The following ETV6 variants were observed in gnomAD, a reference collection of about 807,000 sequenced individuals.
The protein encoded by ETV6 is transcription factor ETV6.
In ETV6, 16 loss-of-function variants were observed where a neutral mutation model predicts 51.1. The observed-to-expected ratio is 0.31, with a 90% CI of 0.21 to 0.48. The LOEUF (loss-of-function observed/expected upper bound fraction) is 0.48, where lower values mean the gene tolerates loss of function less well. Among genes scored for constraint, ETV6 ranks in the 20% least tolerant of loss-of-function variants. The pLI is 0.99. For synonymous variants in ETV6, 240 were observed against 224.1 expected, an observed-to-expected ratio of 1.07 and a Z score of -0.64; for missense variants, 458 against 594.8, an observed-to-expected ratio of 0.77 and a Z score of 2.39.
At chr12:11,841,195 A>T (rs1169851753) in intron 3 of ETV6, among the ~76,000 whole-genome samples, 1 of 152,210 alleles carries the variant, frequency 6.6e-6, no homozygotes, top group African/African-American at 2.4e-5. Context: ...CTCTCTGCTC[A>T]GAGCTATGAA....
chr12:11,664,659 C>T (rs573296218), intron 1 of ETV6, among the ~76,000 whole-genome samples: 1 of 152,258 alleles, frequency 6.6e-6, no homozygotes, highest in East Asian at 1.9e-4. Context: ...ACAGACTCTT[C>T]CCCTTGTTGC....
intron 2 of ETV6, among the ~76,000 whole-genome samples, chr12:11,774,580 C>T (rs896447563): frequency 2.6e-5 from 4 of 152,208 alleles, no homozygotes; most frequent in Admixed American, 2.6e-4. Context: ...ACCTTTCCCT[C>T]CTCCCAAGAG....
At chr12:11,749,286 CATA>C (rs1162835989) in intron 1 of ETV6, among the ~76,000 whole-genome samples, 3 of 64,236 alleles carry the variant, frequency 4.7e-5, no homozygotes, top group African/African-American at 2.0e-4. Context: ...TTATCCCCCC[CATA>C]CACACACACA....
intron 1 of ETV6, among the ~76,000 whole-genome samples, chr12:11,691,192 C>G (rs1864754410): frequency 6.6e-6 from 1 of 152,092 alleles, no homozygotes. Context: ...GGGCTCTACC[C>G]TCATGACTTA....
rs2040368007 is a variant in ETV6 at position 11,891,879 on chromosome 12, G to A, written c.*833G>A. On this transcript the variant is annotated 3_prime_UTR_variant, in exon 8 of 8. Coordinates refer to ENST00000396373, the MANE Select transcript of ETV6 (RefSeq NM_001987.5). ...GAGGGAGGCCAAAATCATCACAGAT[G>A]CTGCTGTGCTGCAGACAGATACATG... is the stretch of plus-strand genomic sequence containing the variant. The A allele has an allele frequency of 3.3e-6, 1 of 302,094 alleles. No homozygotes were observed. The highest frequency in any genetic ancestry group is 2.1e-5 in the African/African-American group (1 of 47,652). 18.7% of individuals were successfully genotyped at this position (302,094 alleles called of 1,614,324 possible). A position where few individuals can be genotyped will look rare whatever the true frequency, so the allele number is the denominator to read the frequency against.
intron 2 of ETV6, among the ~76,000 whole-genome samples, chr12:11,759,768 A>T (rs796187694): frequency 1.2e-4 from 8 of 65,630 alleles, no homozygotes; most frequent in African/African-American, 2.6e-4. Context: ...ATAAAGGTTC[A>T]GTGTGTTGGC....
intron 3 of ETV6, among the ~76,000 whole-genome samples, chr12:11,841,769 G>A (rs1946393677): frequency 6.6e-6 from 1 of 152,180 alleles, no homozygotes; most frequent in South Asian, 2.1e-4. Context: ...AAACAAGAAG[G>A]AGATGAGGAA....
At chr12:11,754,595 A>G (rs540905543) in intron 2 of ETV6, among the ~76,000 whole-genome samples, 12 of 152,324 alleles carry the variant, frequency 7.9e-5, no homozygotes, top group African/African-American at 2.9e-4. Flanking sequence ...CTAGCATACA[A>G]TACTGTGTGT....
chr12:11,839,260 T>C lies in ETV6; in HGVS notation c.284T>C (p.Leu95Pro), dbSNP rs746179965. The stretch of plus-strand genomic sequence containing the variant: ...TTTGAAATGAATGGCAAAGCTCTCC[T>C]GCTGCTGACCAAAGAGGACTTTCGC... ...NTFEMNGKAL[L>P]LLTKEDFRYR... The change falls in exon 3 of 8, where the codon CTG (leucine) becomes CCG (proline). Residue 95 changes from leucine (L) to proline (P), a missense_variant. This residue lies in a region of ETV6 where 26 missense variants were observed against 52.1 expected (regional missense o/e 0.50). Transcript: ENST00000396373. 1 of 1,614,236 alleles carries C rather than the reference T, an allele frequency of 6.2e-7. No homozygotes were observed. Among genetic ancestry groups the C allele is most frequent in the Non-Finnish European group, 8.5e-7 (1 of 1,180,028 alleles).
At chr12:11,678,050 A>G (rs1042862298) in intron 1 of ETV6, among the ~76,000 whole-genome samples, 1 of 152,194 alleles carries the variant, frequency 6.6e-6, no homozygotes, top group Non-Finnish European at 1.5e-5. Flanking sequence ...CCATCTCTGG[A>G]TTCCTAGTGC....
chr12:11,886,553 A>G (rs924020018), intron 7 of ETV6, among the ~76,000 whole-genome samples: 1 of 152,158 alleles, frequency 6.6e-6, no homozygotes, highest in Non-Finnish European at 1.5e-5. Context: ...CAGTTGATTC[A>G]TGAAAATGTT....
chr12:11,701,732 G>A (rs1256097407), intron 1 of ETV6, among the ~76,000 whole-genome samples: 1 of 152,174 alleles, frequency 6.6e-6, no homozygotes, highest in Non-Finnish European at 1.5e-5. Context: ...AGAAAACCGG[G>A]TACTCAGCTA....
intron 2 of ETV6, among the ~76,000 whole-genome samples, chr12:11,817,712 A>G (rs1051178890): frequency 1.3e-5 from 2 of 152,164 alleles, no homozygotes; most frequent in African/African-American, 4.8e-5. Context: ...CCCCCATGCC[A>G]GCTCAAGAGC....
chr12:11,830,807 C>T (rs1175349668), intron 2 of ETV6, among the ~76,000 whole-genome samples: 1 of 152,192 alleles, frequency 6.6e-6, no homozygotes, highest in African/African-American at 2.4e-5. Flanking sequence ...TTTCATCTCC[C>T]AGAAGGTGGA....
intron 5 of ETV6, among the ~76,000 whole-genome samples, chr12:11,878,912 T>C (rs1490383198): frequency 6.6e-6 from 1 of 151,390 alleles, no homozygotes. Flanking sequence ...ACACTCTCGA[T>C]ATTTGGGCCA....
chr12:11,890,979 C>T lies in ETV6; in HGVS notation c.1292C>T (p.Thr431Ile), dbSNP rs772103786. 1.2e-6 allele frequency: 2 copies of T among 1,613,904 alleles called. No homozygotes were observed. The highest frequency in any genetic ancestry group is 1.7e-6 in the Non-Finnish European group (2 of 1,179,846). The change falls in exon 8 of 8, where the codon ACA (threonine) becomes ATA (isoleucine). Residue 431 changes from threonine (T) to isoleucine (I), a missense_variant. Physicochemically the swap from Thr to Ile is moderately conservative, Grantham distance 89 (BLOSUM62 -1). Transcript: ENST00000396373. ...KTPDEIMSGR[T>I]DRLEHLESQE... is the part of the protein sequence containing the mutation. ...CCAGATGAAATCATGAGTGGCCGAA[C>T]AGACCGTCTGGAGCACCTAGAGTCC...
chr12:11,680,487 T>A (rs1591604404), intron 1 of ETV6, among the ~76,000 whole-genome samples: 1 of 152,220 alleles, frequency 6.6e-6, no homozygotes, highest in East Asian at 1.9e-4. Context: ...CATGTTCAGC[T>A]AGGACAGGGA....
Position 11,880,516 on chromosome 12 carries a change from A to G in ETV6, c.1010-3929A>G, listed in dbSNP as rs1042337891. On this transcript the variant is annotated intron_variant, in intron 5 of 7. Transcript: ENST00000396373. ...CAGGTTAAGCCCTTACATTGGAGAA[A>G]TGGTCTGGTTCACGTTTCACTGTTT... 2.6e-5 allele frequency among the ~76,000 whole-genome samples: 4 copies of G among 152,306 alleles called. No homozygotes were observed. In the East Asian group the frequency reaches 5.8e-4, roughly 22 times the overall value.
At chr12:11,889,252 G>A (rs1947251890) in intron 7 of ETV6, among the ~76,000 whole-genome samples, 1 of 152,196 alleles carries the variant, frequency 6.6e-6, no homozygotes, top group African/African-American at 2.4e-5. Context: ...TACTGCTGGA[G>A]AAGTTTGCCA....
Sources: gnomAD v4.1 joint callset for allele counts (sites outside exome capture counted in the v4.1 genomes callset) on GRCh38, gnomAD v4.1.1 for gene constraint, gnomAD v4.1.1 regional missense constraint, MANE v1.5 for transcripts, NCBI Gene and HGNC (gene_info 2026-07-23, HGNC 2026-07-21) for gene names.